The following COL6A1 variants were observed in gnomAD, a reference collection of about 807,000 sequenced individuals.
COL6A1 encodes the protein collagen type VI alpha 1 chain, also known as collagen alpha-1(VI) chain.
A neutral mutation model predicts 145.6 loss-of-function variants in COL6A1; 80 were observed. The observed-to-expected ratio is 0.55, with a 90% CI of 0.46 to 0.66. The LOEUF (loss-of-function observed/expected upper bound fraction) is 0.66, where lower values mean the gene tolerates loss of function less well. Ranked by LOEUF, COL6A1 falls within the 30% of genes least tolerant of loss-of-function variation. The pLI is 0.00. For missense variants in COL6A1, 1,364 were observed against 1,473.8 expected (o/e 0.93, Z 1.22); for synonymous variants, 638 against 622.8 (o/e 1.02, Z -0.36).
At position 45,999,675 on chromosome 21, in the gene COL6A1, G is replaced by A; in HGVS notation, c.1759G>A (p.Gly587Arg). The A allele has an allele frequency of 1.9e-6, 3 of 1,613,494 alleles. No individual in the cohort carries two copies. The highest frequency in any genetic ancestry group is 2.5e-6 in the Non-Finnish European group (3 of 1,179,936). ...CGGACAGGGACCCCCAGGACACCAA[G>A]GACCGCCTGGGCCGGACGTAAGTGG... ...EGPQGPPGHQ[G>R]PPGPDECEIL... Residue 587 changes from glycine (G) to arginine (R), a missense_variant, in exon 27 of 35, where the codon GGA becomes AGA. Coordinates refer to ENST00000361866, the MANE Select transcript of COL6A1 (RefSeq NM_001848.3).
chr21:46,001,312 C>T lies in COL6A1; in HGVS notation c.1882C>T (p.Leu628=). 1 of 1,612,850 alleles carries T rather than the reference C, an allele frequency of 6.2e-7. No individual in the cohort carries two copies. Among genetic ancestry groups the T allele is most frequent in the Non-Finnish European group, 8.5e-7 (1 of 1,179,908 alleles). ...FVLDSSESIG[L]QNFEIAKDFV... ...GCTGGACAGCTCAGAGAGCATTGGCCTGCAGAACTTCGAGATTGCCAAGGA... is the reference window on the plus strand; with the variant it reads ...GCTGGACAGCTCAGAGAGCATTGGCTTGCAGAACTTCGAGATTGCCAAGGA... Residue 628 remains leucine (L), a synonymous_variant, in exon 30 of 35, where the codon CTG becomes TTG. Transcript: ENST00000361866.
Position 45,987,539 on chromosome 21 carries a change from C to T in COL6A1, c.759+20C>T, listed in dbSNP as rs555848716. 72 of 1,612,860 alleles carry T rather than the reference C, an allele frequency of 4.5e-5. No individual in the cohort carries two copies. In the South Asian group the frequency reaches 7.6e-4, roughly 17 times the overall value. ...TGCCAGGTGAGTGTGCCCCCCGACC[C>T]CTGACCCCGCGCCCTGCACCCTGGG... On this transcript the variant is annotated intron_variant, in intron 7 of 34. Coordinates refer to ENST00000361866, the MANE Select transcript of COL6A1 (RefSeq NM_001848.3).
At chr21:45,995,239 C>G (rs899097233) in intron 20 of COL6A1, among the ~76,000 whole-genome samples, 4 of 152,368 alleles carry the variant, frequency 2.6e-5, no homozygotes, top group African/African-American at 9.6e-5. Context: ...ACGGCAGGGG[C>G]AGAAAGGGCT....
intron 27 of COL6A1, among the ~76,000 whole-genome samples, 168 bp downstream of exon 27, chr21:45,999,860 C>CATGGGAAGA (rs1299760218): frequency 4.4e-5 from 1 of 22,740 alleles, no homozygotes; most frequent in African/African-American, 1.1e-4. Flanking sequence ...ATGGGAGGAC[C>CATGGGAAGA]CGTGAGGATC....
chr21:46,004,568 C>A lies in COL6A1; in HGVS notation c.*555C>A. 3.0e-6 allele frequency: 1 copy of A among 330,618 alleles called. No homozygotes were observed. 20.5% of individuals were successfully genotyped at this position (330,618 alleles called of 1,614,324 possible). On this transcript the variant is annotated 3_prime_UTR_variant, in exon 35 of 35. Coordinates refer to ENST00000361866, the MANE Select transcript of COL6A1 (RefSeq NM_001848.3). Reference sequence around the variant, plus strand: ...ACAATTAAACTCAAAGCAAGCTCTTCTCCTCAGCTTGGGGCAGCCATTGGC... The same window carrying A: ...ACAATTAAACTCAAAGCAAGCTCTTATCCTCAGCTTGGGGCAGCCATTGGC...
At chr21:45,989,017 T>C in intron 8 of COL6A1, 67 bp from the exon 9 acceptor site, 1 of 1,582,820 alleles carries the variant, frequency 6.3e-7, no homozygotes, top group Non-Finnish European at 8.6e-7. Flanking sequence ...TTTAAAAACC[T>C]GTTTCGTGAG....
chr21:46,000,284 G>T (rs769637968), intron 27 of COL6A1, 47 bp from the exon 28 acceptor site: 1 of 1,610,266 alleles, frequency 6.2e-7, no homozygotes, highest in East Asian at 2.2e-5. Context: ...AGTCCCCGCT[G>T]GGAGGGGCTG....
At chr21:46,001,929 C>G in intron 30 of COL6A1, 32 bp from the exon 31 acceptor site, 2 of 1,594,090 alleles carry the variant, frequency 1.3e-6, no homozygotes, top group African/African-American at 2.7e-5. Flanking sequence ...TGGGGCAGCA[C>G]TCGCGTCCTG....
rs780912204 is a variant in COL6A1 at position 46,003,923 on chromosome 21, C to T, written c.2997C>T (p.Gly999=). ...GKTAEYDVAY[G]ESHLFRVPSY... ...CGGCCGAGTACGACGTGGCCTACGG[C>T]GAGAGCCACCTGTTCCGTGTCCCCA... is the stretch of plus-strand genomic sequence containing the variant. Residue 999 remains glycine, a synonymous_variant, in exon 35 of 35, where the codon GGC becomes GGT. Coordinates refer to ENST00000361866, the MANE Select transcript of COL6A1 (RefSeq NM_001848.3). The T allele has an allele frequency of 1.6e-5, 26 of 1,608,674 alleles. No individual in the cohort carries two copies. The highest frequency in any genetic ancestry group is 3.3e-5 in the South Asian group (3 of 90,706).
chr21:45,993,638 G>A (rs956714305), intron 19 of COL6A1, among the ~76,000 whole-genome samples: 2 of 152,178 alleles, frequency 1.3e-5, no homozygotes, highest in African/African-American at 4.8e-5. Context: ...GCTCCCCAGT[G>A]GGGGGTGGGG....
intron 23 of COL6A1, 46 bp from the exon 24 acceptor site, chr21:45,998,352 C>T (rs750111461): frequency 1.2e-6 from 2 of 1,612,166 alleles, no homozygotes; most frequent in Non-Finnish European, 1.7e-6. Flanking sequence ...ACAGCCTCCC[C>T]TCTCAAATCA....
intron 1 of COL6A1, 78 bp downstream of exon 1, chr21:45,982,025 T>G: frequency 8.4e-7 from 1 of 1,192,612 alleles, no homozygotes; most frequent in Non-Finnish European, 1.2e-6. Context: ...CGGGGTCCCC[T>G]CCCACGCGTG....
chr21:45,997,550 G>T, intron 21 of COL6A1, 67 bp downstream of exon 21: 3 of 1,566,704 alleles, frequency 1.9e-6, no homozygotes, highest in Non-Finnish European at 2.6e-6. Flanking sequence ...CCCACTGTCT[G>T]CCCAGTGCTG....
intron 30 of COL6A1, 83 bp downstream of exon 30, chr21:46,001,469 C>G (rs2123489187): frequency 1.3e-6 from 2 of 1,548,072 alleles, no homozygotes; most frequent in African/African-American, 2.7e-5. Flanking sequence ...CAGACCTCAG[C>G]CTCCCGAGGC....
In COL6A1 at chr21:46,004,074, A is replaced by G. The variant is rs2077866725; in HGVS notation, c.*61A>G. The G allele has an allele frequency of 3.1e-6, 5 of 1,589,906 alleles. No individual in the cohort carries two copies. In the South Asian group the frequency reaches 5.6e-5, roughly 18 times the overall value. Reference sequence around the variant, plus strand: ...CACCCCTCCCCACTCATCACTAAACAGAGTAAAATGTGATGCGAATTTTCC... The same window carrying G: ...CACCCCTCCCCACTCATCACTAAACGGAGTAAAATGTGATGCGAATTTTCC... On this transcript the variant is annotated 3_prime_UTR_variant, in exon 35 of 35. Coordinates refer to ENST00000361866, the MANE Select transcript of COL6A1 (RefSeq NM_001848.3).
Position 46,004,668 on chromosome 21 carries a change from T to C in COL6A1, c.*655T>C, listed in dbSNP as rs897338177. 2 of 447,784 alleles carry C rather than the reference T, an allele frequency of 4.5e-6. No individual in the cohort carries two copies. The allele number at this position is 447,784 out of a possible 1,614,324, so 27.7% of individuals were successfully genotyped here. On this transcript the variant is annotated 3_prime_UTR_variant, in exon 35 of 35. Transcript: ENST00000361866. Reference sequence around the variant, plus strand: ...ATCTCGGCGACTCGGCCCCGTCTCCTGAGGGTCCTGCTGGTGACCGGCCTG... The same window carrying C: ...ATCTCGGCGACTCGGCCCCGTCTCCCGAGGGTCCTGCTGGTGACCGGCCTG...
chr21:45,999,507 C>G, intron 26 of COL6A1, 150 bp from the exon 27 acceptor site: 3 of 904,534 alleles, frequency 3.3e-6, no homozygotes, highest in Non-Finnish European at 1.7e-6. Flanking sequence ...CTCACAGCAC[C>G]GTCACTGGAG....
In COL6A1 at chr21:45,986,958, C is replaced by T. The variant is rs760386863; in HGVS notation, c.603C>T (p.Ser201=). 9.0e-6 allele frequency: 14 copies of T among 1,551,784 alleles called. No homozygotes were observed. Among genetic ancestry groups the T allele is most frequent in the Non-Finnish European group, 1.1e-5 (13 of 1,150,638 alleles). Residue 201 remains serine (S), a synonymous_variant, in exon 5 of 35, where the codon AGC becomes AGT. Transcript: ENST00000361866. ...ITPDHLEPRL[S]IIATDHTYRR... is the part of the protein sequence containing the mutation. ...ACTGCCCCCAGGAGCCGCGTCTGAG[C>T]ATCATCGCCACGGACCACACGTACC...
At position 45,994,257 on chromosome 21, in the gene COL6A1, G is replaced by A. The variant is rs114600249; in HGVS notation, c.1398+28G>A. 5.7e-3 allele frequency: 9,194 copies of A among 1,599,678 alleles called. 214 individuals are homozygous for A. The African/African-American group carries it at 0.072, about 13-fold the overall frequency. ...AGGAAGCGCTGTGGGGTTGGGGGGC[G>A]TTGGCCAATTTGGGTTTTGGGGGTA... On this transcript the variant is annotated intron_variant, in intron 20 of 34. Coordinates refer to ENST00000361866, the MANE Select transcript of COL6A1 (RefSeq NM_001848.3). The surrounding 1 kb of genome is among the most constrained non-coding windows in gnomAD (Gnocchi z 6.8).
Sources: allele counts gnomAD v4.1 joint callset (sites outside exome capture counted in the v4.1 genomes callset), GRCh38; gene constraint gnomAD v4.1.1; non-coding constraint Gnocchi (gnomAD v3.1); transcripts MANE v1.5; gene names NCBI Gene and HGNC (gene_info 2026-07-23, HGNC 2026-07-21).